Variants in NIN observed in about 807,000 individuals in gnomAD.
NIN encodes glycogen synthase kinase 3 beta-interacting protein.
Under a neutral mutation model 257.6 loss-of-function variants are expected in NIN, and 137 were observed. The ratio of observed to expected loss-of-function variants is 0.53; its 90% CI spans 0.46 to 0.61. The LOEUF is 0.61. NIN is among the 20% of genes least tolerant of loss of function. The pLI, the probability that NIN is intolerant of heterozygous loss-of-function variation, is 0.00. For missense variants in NIN, 2,439 were observed against 2,501.2 expected, an observed-to-expected ratio of 0.98 and a Z score of 0.53; for synonymous variants, 918 against 919.8, an observed-to-expected ratio of 1.00 and a Z score of 0.04.
At position 50,779,588 on chromosome 14, in the gene NIN, C is replaced by G. The variant is rs112930644; in HGVS notation, c.436-784G>C. Among the ~76,000 whole-genome samples the G allele has an allele frequency of 9.7e-3, 1,475 of 152,254 alleles. 24 individuals carry two copies. Among genetic ancestry groups the G allele is most frequent in the African/African-American group, 0.034 (1,420 of 41,542 alleles). ...CCTGGCCAACACAATGAAACCCCAT[C>G]TCTACCAAAAATACAAAAAATTAGC... On this transcript the variant is annotated intron_variant, in intron 5 of 30. Transcript: ENST00000530997.
chr14:50,720,517 C>T lies in NIN; in HGVS notation c.*2946G>A. On this transcript the variant is annotated 3_prime_UTR_variant, in exon 31 of 31. Coordinates refer to ENST00000530997, the MANE Select transcript of NIN (RefSeq NM_020921.4). ...TATTAAAATACTAGACCTGCAAGAT[C>T]TCTTCCTATGCCTTGGAAGCCTATG... is the stretch of plus-strand genomic sequence containing the variant. 4.8e-6 allele frequency: 1 copy of T among 209,918 alleles called. No individual in the cohort carries two copies. The highest frequency in any genetic ancestry group is 9.7e-6 in the Non-Finnish European group (1 of 102,868). The allele number at this position is 209,918 out of a possible 1,614,324, so 13.0% of individuals were successfully genotyped here.
chr14:50,758,487 T>C lies in NIN; in HGVS notation c.2543A>G (p.Gln848Arg), dbSNP rs753005206. ...GGATTTCTCCTCACGCTGCTGTTCCTGGAGGTCCTTCAGCTCTTGGCGGTA... is the reference window on the plus strand; with the variant it reads ...GGATTTCTCCTCACGCTGCTGTTCCCGGAGGTCCTTCAGCTCTTGGCGGTA... ...GRYRQELKDL[Q>R]EQQREEKSQW... is the part of the protein sequence containing the mutation. The change falls in exon 18 of 31, where the codon CAG becomes CGG. Residue 848 changes from glutamine (Q) to arginine (R), a missense_variant. Around this residue, in one of 3 missense-constraint regions of NIN, gnomAD observed 2,043 missense variants for 2,050.2 expected, o/e 1.00. Transcript: ENST00000530997. 1 of 1,614,280 alleles carries C rather than the reference T, an allele frequency of 6.2e-7. No homozygotes were observed. The highest frequency in any genetic ancestry group is 8.5e-7 in the Non-Finnish European group (1 of 1,180,052).
chr14:50,793,292 A>G (rs2043683057), intron 4 of NIN, among the ~76,000 whole-genome samples: 1 of 152,008 alleles, frequency 6.6e-6, no homozygotes, highest in African/African-American at 2.4e-5. Context: ...CAGACACCAA[A>G]TCAGCACTGT....
intron 3 of NIN, among the ~76,000 whole-genome samples, 186 bp from the exon 4 acceptor site, chr14:50,807,004 G>A (rs996806443): frequency 2.6e-5 from 4 of 152,030 alleles, no homozygotes; most frequent in South Asian, 2.1e-4. Context: ...TTGACACCTC[G>A]TGCCGTAAAC....
chr14:50,822,508 C>T (rs1024513260), intron 2 of NIN, among the ~76,000 whole-genome samples: 1 of 152,180 alleles, frequency 6.6e-6, no homozygotes, highest in Non-Finnish European at 1.5e-5. Flanking sequence ...TAATTGTTAG[C>T]GCCAGCAGAC....
chr14:50,827,735 A>G (rs1170614312), intron 2 of NIN, among the ~76,000 whole-genome samples: 1 of 144,698 alleles, frequency 6.9e-6, no homozygotes, highest in African/African-American at 2.5e-5. Flanking sequence ...CCAGCCCAGG[A>G]GAGAGCGAGA....
chr14:50,784,397 C>G (rs982450070), intron 5 of NIN, among the ~76,000 whole-genome samples: 4 of 152,220 alleles, frequency 2.6e-5, no homozygotes, highest in Non-Finnish European at 5.9e-5. Flanking sequence ...TACTTACCCT[C>G]TGTGTGCCTC....
chr14:50,801,193 C>A (rs549040713), intron 4 of NIN, among the ~76,000 whole-genome samples: 1 of 148,444 alleles, frequency 6.7e-6, no homozygotes, highest in African/African-American at 2.5e-5. Context: ...CAGGTTCAAG[C>A]GATTCTCCTG....
At chr14:50,733,025 A>G (rs1320153941) in intron 28 of NIN, among the ~76,000 whole-genome samples, 1 of 152,098 alleles carries the variant, frequency 6.6e-6, no homozygotes, top group Non-Finnish European at 1.5e-5. Flanking sequence ...CTGTGATCAC[A>G]ACACTGAACT....
intron 21 of NIN, among the ~76,000 whole-genome samples, chr14:50,748,498 A>C (rs2041652158): frequency 6.6e-6 from 1 of 152,212 alleles, no homozygotes; most frequent in Admixed American, 6.5e-5. Flanking sequence ...AAGGAAATAA[A>C]GGGTATTCAA....
At chr14:50,766,655 A>G in intron 13 of NIN, 125 bp downstream of exon 13, 1 of 691,670 alleles carries the variant, frequency 1.4e-6, no homozygotes, top group Non-Finnish European at 2.5e-6. Context: ...TACAAAAGTT[A>G]GAGCACCATT....
At chr14:50,725,739 C>T (rs2040382795) in intron 30 of NIN, 1 of 723,918 alleles carries the variant, frequency 1.4e-6, no homozygotes, top group East Asian at 2.7e-5. Flanking sequence ...TGTGGACAAA[C>T]ATGCCTTAAA....
At chr14:50,774,905 T>C (rs1270668900) in intron 7 of NIN, among the ~76,000 whole-genome samples, 1 of 152,236 alleles carries the variant, frequency 6.6e-6, no homozygotes, top group Non-Finnish European at 1.5e-5. Flanking sequence ...GGGCACGCTC[T>C]ACACTTTGAG....
chr14:50,821,898 T>A lies in NIN; in HGVS notation c.159A>T (p.Leu53Phe). 6.2e-7 allele frequency: 1 copy of A among 1,614,030 alleles called. No homozygotes were observed. The highest frequency in any genetic ancestry group is 2.2e-5 in the East Asian group (1 of 44,880). The change falls in exon 3 of 31, where the codon TTA becomes TTT. Residue 53 changes from leucine to phenylalanine, a missense_variant. By Grantham distance (22) the Leu-to-Phe change is conservative. Transcript: ENST00000530997. Reference protein sequence around the residue: ...EEVAPVLQQTLLQDNLLGRVH... With the variant: ...EEVAPVLQQTFLQDNLLGRVH... ...CCCTGCCCAAGAGGTTGTCCTGAAGTAATGTCTGCTGCAGCACTGGGGCCA... is the reference window on the plus strand; with the variant it reads ...CCCTGCCCAAGAGGTTGTCCTGAAGAAATGTCTGCTGCAGCACTGGGGCCA...
rs563616038 is a variant in NIN, at chr14:50,827,427, G to T, written c.-22+3037C>A. On this transcript the variant is annotated intron_variant, in intron 2 of 30. Transcript: ENST00000530997. ...AAAAATATAACACGAAAGCTTAAAT[G>T]CACAGGAAGAAAGTCACATTAAATA... 2.6e-5 allele frequency among the ~76,000 whole-genome samples: 4 copies of T among 152,186 alleles called. No individual in the cohort carries two copies. In the South Asian group the frequency reaches 8.3e-4, roughly 32 times the overall value.
At chr14:50,829,298 A>G (rs1414325822) in intron 2 of NIN, among the ~76,000 whole-genome samples, 2 of 152,194 alleles carry the variant, frequency 1.3e-5, no homozygotes, top group Non-Finnish European at 2.9e-5. Context: ...AGAGCCACCA[A>G]TATTCCAGGT....
At chr14:50,820,201 T>G (rs1028210874) in intron 3 of NIN, among the ~76,000 whole-genome samples, 7 of 152,158 alleles carry the variant, frequency 4.6e-5, no homozygotes, top group Non-Finnish European at 8.8e-5. Flanking sequence ...ATAGACCACT[T>G]AAGTATTCAT....
intron 28 of NIN, among the ~76,000 whole-genome samples, chr14:50,732,867 A>C (rs2140389073): frequency 6.6e-6 from 1 of 151,942 alleles, no homozygotes; most frequent in East Asian, 1.9e-4. Flanking sequence ...AGCTGGGACT[A>C]CAGGCGCATG....
At chr14:50,736,020 C>T (rs2040957275) in intron 27 of NIN, among the ~76,000 whole-genome samples, 2 of 152,106 alleles carry the variant, frequency 1.3e-5, no homozygotes, top group African/African-American at 4.8e-5. Flanking sequence ...ATTTCATTAT[C>T]CTCTACTATG....
Sources: allele counts gnomAD v4.1 joint callset (sites outside exome capture counted in the v4.1 genomes callset), GRCh38; gene constraint gnomAD v4.1.1; regional missense constraint gnomAD v4.1.1; transcripts MANE v1.5; gene names NCBI Gene and HGNC (gene_info 2026-07-23, HGNC 2026-07-21).